Variants in PCDH11X observed in about 807,000 individuals in gnomAD.
PCDH11X encodes the protein protocadherin 11 X-linked.
PCDH11X carries 18 observed loss-of-function variants against 53.3 expected under a neutral mutation model. The observed-to-expected ratio is 0.34, with a 90% CI of 0.23 to 0.50. The LOEUF (loss-of-function observed/expected upper bound fraction) is 0.50, where lower values mean the gene tolerates loss of function less well. PCDH11X is among the 20% of genes least tolerant of loss of function. The probability of loss-of-function intolerance (pLI) is 0.98; values close to 1 mark genes in which losing one functional copy is unlikely to be tolerated. For missense variants in PCDH11X, 570 were observed against 1,032.4 expected (o/e 0.55, Z 6.14); for synonymous variants, 279 against 393.3 (o/e 0.71, Z 3.44).
In PCDH11X at chrX:92,152,751, TTATGTATGTATGTATG is replaced by T. The variant is rs559164762; in HGVS notation, c.3034-48592_3034-48577del. On this transcript the variant is annotated intron_variant, in intron 6 of 10. Transcript: ENST00000682573. ...AAAAAATATTTTCTATATTTTTATTTTATGTATGTATGTATGTATGTATGTATGTATGTATGTATGT... is the reference window on the plus strand; with the variant it reads ...AAAAAATATTTTCTATATTTTTATTTTATGTATGTATGTATGTATGTATGT... 7.1e-3 allele frequency among the ~76,000 whole-genome samples: 704 copies of T among 99,057 alleles called. 8 individuals are homozygous for T. Among genetic ancestry groups the T allele is most frequent in the South Asian group, 0.024 (46 of 1,887 alleles). The allele number at this position is 99,057 out of a possible 115,157, so 86.0% of individuals were successfully genotyped here.
rs761333056 is a variant in PCDH11X at position 91,788,483 on chromosome X, G to A, written c.-379+8799G>A. Among the ~76,000 whole-genome samples, 30 of 111,449 alleles carry A rather than the reference G, an allele frequency of 2.7e-4. 1 individual carries two copies. The South Asian group carries it at 0.011, about 41-fold the overall frequency. On this transcript the variant is annotated intron_variant, in intron 1 of 10. Coordinates refer to ENST00000682573, the MANE Select transcript of PCDH11X (RefSeq NM_032968.5). ...TAGAAATATACATTCCTGGAAGGAT[G>A]GTTTTATTTTTATAAATGCATATTT...
intron 9 of PCDH11X, among the ~76,000 whole-genome samples, chrX:92,394,509 A>T (rs992688674): frequency 1.8e-5 from 2 of 110,668 alleles, no homozygotes; most frequent in African/African-American, 6.5e-5. Context: ...TCTAAATTTT[A>T]TTAAGCTTCC....
At chrX:92,096,438 A>ATGTGTGTGTGTGTG (rs10591250) in intron 6 of PCDH11X, among the ~76,000 whole-genome samples, 2 of 94,395 alleles carry the variant, frequency 2.1e-5, no homozygotes, top group South Asian at 1.1e-3. Context: ...GTGTATGTGT[A>ATGTGTGTGTGTGTG]TGTGTGTGTG....
chrX:92,213,609 A>C (rs1457091489), intron 7 of PCDH11X, among the ~76,000 whole-genome samples: 1 of 111,603 alleles, frequency 9.0e-6, no homozygotes, highest in Non-Finnish European at 1.9e-5. Context: ...CACGATTCTC[A>C]TGGCATGTTA....
At chrX:91,931,237 G>A (rs2061381109) in intron 6 of PCDH11X, among the ~76,000 whole-genome samples, 1 of 109,734 alleles carries the variant, frequency 9.1e-6, no homozygotes, top group Non-Finnish European at 1.9e-5. Context: ...AAACCTTTTT[G>A]AAAGTTTTTA....
intron 7 of PCDH11X, among the ~76,000 whole-genome samples, chrX:92,203,413 T>C: frequency 8.9e-6 from 1 of 112,664 alleles, no homozygotes; most frequent in Middle Eastern, 4.6e-3. Flanking sequence ...ATTCATGCAC[T>C]GTGAGAAGAT....
chrX:92,541,703 A>T (rs201974377), intron 10 of PCDH11X, among the ~76,000 whole-genome samples: 2 of 2,888 alleles, frequency 6.9e-4, no homozygotes, highest in Non-Finnish European at 3.0e-3. Flanking sequence ...TAACTCAATT[A>T]AAAAAAAAAA....
Position 92,251,802 on chromosome X carries a change from G to A in PCDH11X, c.3115-11312G>A, listed in dbSNP as rs757832278. Among the ~76,000 whole-genome samples, 29 of 110,751 alleles carry A rather than the reference G, an allele frequency of 2.6e-4. No individual in the cohort carries two copies. The South Asian group carries it at 2.7e-3, about 10-fold the overall frequency. ...ATCATCAATAAGGGTAGTTAATGCC[G>A]TGGATTTAGTGCCTCCTAAAGTTTG... On this transcript the variant is annotated intron_variant, in intron 7 of 10. Transcript: ENST00000682573.
At chrX:92,121,648 A>G (rs961859006) in intron 6 of PCDH11X, among the ~76,000 whole-genome samples, 2 of 111,986 alleles carry the variant, frequency 1.8e-5, no homozygotes, top group Non-Finnish European at 3.8e-5. Context: ...GCAATAATTG[A>G]ATAGTTGAAG....
At chrX:92,502,864 T>C (rs1317394072) in intron 10 of PCDH11X, among the ~76,000 whole-genome samples, 1 of 110,541 alleles carries the variant, frequency 9.0e-6, no homozygotes, top group Non-Finnish European at 1.9e-5. Context: ...ACAAATGAGA[T>C]CTAATTAAAG....
Position 92,205,597 on chromosome X carries a change from GTTTT to G in PCDH11X, c.3114+4159_3114+4162del, listed in dbSNP as rs5902997. 1.6e-4 allele frequency among the ~76,000 whole-genome samples: 11 copies of G among 68,421 alleles called. No homozygotes were observed. In the South Asian group the frequency reaches 3.6e-3, roughly 23 times the overall value. 59.4% of individuals were successfully genotyped at this position (68,421 alleles called of 115,157 possible). On this transcript the variant is annotated intron_variant, in intron 7 of 10. Transcript: ENST00000682573. ...ATGAATAAGAAGATGCTAAATCAATGTTTTTTTTTTTTTTTTTTTTGAGACTGAG... is the reference window on the plus strand; with the variant it reads ...ATGAATAAGAAGATGCTAAATCAATGTTTTTTTTTTTTTTTTGAGACTGAG...
chrX:92,391,372 C>G (rs1008946903), intron 9 of PCDH11X, among the ~76,000 whole-genome samples: 3 of 108,784 alleles, frequency 2.8e-5, no homozygotes, highest in Admixed American at 1.0e-4. Context: ...TGGTAAAGAA[C>G]AAGTTGTGAG....
chrX:92,474,549 T>C (rs1312017154), intron 10 of PCDH11X, among the ~76,000 whole-genome samples: 1 of 93,796 alleles, frequency 1.1e-5, no homozygotes, highest in Non-Finnish European at 2.1e-5. Flanking sequence ...TTTCTTCTTT[T>C]AGTTAAGATG....
chrX:92,608,488 C>T (rs1001610663), intron 10 of PCDH11X, among the ~76,000 whole-genome samples: 7 of 109,422 alleles, frequency 6.4e-5, no homozygotes, highest in Non-Finnish European at 1.1e-4. Context: ...ATCGTTTGTC[C>T]TATGGTTTCT....
chrX:92,071,129 C>A (rs2063696724), intron 6 of PCDH11X, among the ~76,000 whole-genome samples: 1 of 108,730 alleles, frequency 9.2e-6, no homozygotes, highest in Admixed American at 9.9e-5. Context: ...TATATGTGCC[C>A]TTTTTAGGCT....
At chrX:91,847,419 T>C (rs1205722045) in intron 5 of PCDH11X, among the ~76,000 whole-genome samples, 1 of 111,501 alleles carries the variant, frequency 9.0e-6, no homozygotes, top group Non-Finnish European at 1.9e-5. Context: ...GGGTATATCA[T>C]TTATCCTCCA....
In PCDH11X at chrX:92,133,711, A is replaced by T. The variant is rs150283584; in HGVS notation, c.3034-67664A>T. Among the ~76,000 whole-genome samples, 67 of 112,720 alleles carry T rather than the reference A, an allele frequency of 5.9e-4. 1 individual carries two copies. In the East Asian group the frequency reaches 0.018, roughly 30 times the overall value. On this transcript the variant is annotated intron_variant, in intron 6 of 10. Transcript: ENST00000682573. ...GAAACCACGTATCTTAGAATACAAG[A>T]ACAATACAAATGGACTGTGCATAGA...
intron 8 of PCDH11X, among the ~76,000 whole-genome samples, chrX:92,282,036 A>G (rs761961554): frequency 9.0e-6 from 1 of 111,035 alleles, no homozygotes; most frequent in Non-Finnish European, 1.9e-5. Context: ...GATAAAGAAG[A>G]ATGAGAAAGA....
intron 9 of PCDH11X, among the ~76,000 whole-genome samples, chrX:92,431,313 T>C (rs2072245028): frequency 9.1e-6 from 1 of 110,406 alleles, no homozygotes; most frequent in Non-Finnish European, 1.9e-5. Flanking sequence ...CTTTTCATAG[T>C]TGTATTTTGA....
Sources: allele counts gnomAD v4.1 joint callset (sites outside exome capture counted in the v4.1 genomes callset), GRCh38; gene constraint gnomAD v4.1.1; transcripts MANE v1.5; gene names NCBI Gene and HGNC (gene_info 2026-07-23, HGNC 2026-07-21).